The following CASQ1 variants were observed in gnomAD, a reference collection of about 807,000 sequenced individuals.
CASQ1 encodes calsequestrin 1, also known as calsequestrin-1.
In CASQ1, 40 loss-of-function variants were observed where a neutral mutation model predicts 49.5. The observed-to-expected ratio is 0.81, with a 90% CI of 0.63 to 1.05. The LOEUF (loss-of-function observed/expected upper bound fraction) is 1.05, where lower values mean the gene tolerates loss of function less well. CASQ1 is among the 50% of genes least tolerant of loss of function. CASQ1 has a pLI of 0.00. For missense variants in CASQ1, 469 were observed against 486.9 expected (o/e 0.96, Z 0.35); for synonymous variants, 174 against 187.2 (o/e 0.93, Z 0.58).
At chr1:160,200,444 A>G (rs1315455236) in intron 10 of CASQ1, among the ~76,000 whole-genome samples, 2 of 122,260 alleles carry the variant, frequency 1.6e-5, no homozygotes, top group Non-Finnish European at 1.8e-5. Context: ...AAACTTTATA[A>G]TAACGATACA....
At chr1:160,198,404 T>C (rs866215785) in intron 7 of CASQ1, 3 of 293,216 alleles carry the variant, frequency 1.0e-5, no homozygotes, top group Non-Finnish European at 1.9e-5. Flanking sequence ...CTCAGGAGGC[T>C]GAGGCAGGAG....
chr1:160,193,700 G>A (rs778537529), intron 2 of CASQ1, 47 bp from the exon 3 acceptor site: 26 of 1,096,604 alleles, frequency 2.4e-5, no homozygotes, highest in Non-Finnish European at 3.1e-5. Context: ...TGGGAAGCCT[G>A]GGATCATGGC....
At chr1:160,191,734 A>G (rs1396545236) in intron 1 of CASQ1, among the ~76,000 whole-genome samples, 3 of 152,236 alleles carry the variant, frequency 2.0e-5, no homozygotes, top group Admixed American at 6.5e-5. Flanking sequence ...AGAAGTTATC[A>G]TAAGAAAAGA....
Position 160,190,839 on chromosome 1 carries a change from T to A in CASQ1, c.88T>A (p.Ser30Thr), listed in dbSNP as rs749431792. The A allele has an allele frequency of 6.2e-7, 1 of 1,613,956 alleles. No individual in the cohort carries two copies. The highest frequency in any genetic ancestry group is 1.7e-5 in the Admixed American group (1 of 59,992). The change falls in exon 1 of 11, where the codon TCA (serine) becomes ACA (threonine). Residue 30 changes from serine to threonine, a missense_variant. Ser to Thr is a moderately conservative substitution (Grantham distance 58). Transcript: ENST00000368078. ...LLLLVLGTPK[S>T]GVQGQEGLDF... ...GCTGCTGGTGCTAGGGACACCCAAG[T>A]CAGGGGTACAGGGGCAGGAAGGGCT... is the stretch of plus-strand genomic sequence containing the variant.
intron 3 of CASQ1, among the ~76,000 whole-genome samples, chr1:160,194,325 CACACACACT>C: frequency 9.3e-6 from 1 of 107,750 alleles, no homozygotes; most frequent in East Asian, 2.6e-4. Flanking sequence ...CACACATGTA[CACACACACT>C]ACACACATGC....
At position 160,192,902 on chromosome 1, in the gene CASQ1, G is replaced by C; in HGVS notation, c.364+16G>C. On this transcript the variant is annotated intron_variant, in intron 2 of 10. Coordinates refer to ENST00000368078, the MANE Select transcript of CASQ1 (RefSeq NM_001231.5). The stretch of plus-strand genomic sequence containing the variant: ...AAGAAACTAGGTAAGAGAGGGGAGG[G>C]CAGGGGAGGGGAAGGTGGCATTGAG... 3 of 1,593,518 alleles carry C rather than the reference G, an allele frequency of 1.9e-6. No individual in the cohort carries two copies. The highest frequency in any genetic ancestry group is 1.3e-5 in the African/African-American group (1 of 74,582).
In CASQ1 at chr1:160,199,198, G is replaced by T. The variant is rs868011618; in HGVS notation, c.984+145G>T. ...GGGTATGCGTGTTGCATGCTTAAGG[G>T]CACTGTTGGCATGGAGGGCATCCTG... On this transcript the variant is annotated intron_variant, in intron 9 of 10. Transcript: ENST00000368078. 6.3e-6 allele frequency: 4 copies of T among 636,544 alleles called. No individual in the cohort carries two copies. In the Middle Eastern group the frequency reaches 1.4e-3, roughly 215 times the overall value. 39.4% of individuals were successfully genotyped at this position (636,544 alleles called of 1,614,324 possible).
At chr1:160,195,642 C>T (rs1439882607) in intron 5 of CASQ1, 108 bp downstream of exon 5, 13 of 978,472 alleles carry the variant, frequency 1.3e-5, no homozygotes, top group Non-Finnish European at 1.9e-5. Context: ...CGTGCTGGCA[C>T]TCCCTACCTG....
chr1:160,197,240 A>G (rs1051925970), intron 6 of CASQ1, among the ~76,000 whole-genome samples: 1 of 152,236 alleles, frequency 6.6e-6, no homozygotes, highest in Non-Finnish European at 1.5e-5. Flanking sequence ...CCCAGCACCT[A>G]GCATAGTGCT....
At chr1:160,192,622 G>A in intron 1 of CASQ1, 180 bp from the exon 2 acceptor site, 1 of 623,630 alleles carries the variant, frequency 1.6e-6, no homozygotes, top group Non-Finnish European at 2.9e-6. Flanking sequence ...ACTAAGTTGA[G>A]CCAAAAACAG....
Position 160,201,429 on chromosome 1 carries a change from C to T in CASQ1, c.*53C>T. On this transcript the variant is annotated 3_prime_UTR_variant, in exon 11 of 11. Transcript: ENST00000368078. The stretch of plus-strand genomic sequence containing the variant: ...ACTGGTCTTTTCATGCTCTCTCCTG[C>T]CTTCCCTTGTCCTTCCCTGAGTTCC... The T allele has an allele frequency of 1.3e-6, 2 of 1,596,808 alleles. No homozygotes were observed. Among genetic ancestry groups the T allele is most frequent in the Non-Finnish European group, 1.7e-6 (2 of 1,168,074 alleles).
chr1:160,190,597 G>C lies in CASQ1; in HGVS notation c.-155G>C. ...CTTGGCTCTGTCGGCAGTTTCTCCAGGACCCAGCAGTGCCCTCTGTCCACT... is the reference window on the plus strand; with the variant it reads ...CTTGGCTCTGTCGGCAGTTTCTCCACGACCCAGCAGTGCCCTCTGTCCACT... On this transcript the variant is annotated 5_prime_UTR_variant, in exon 1 of 11. Transcript: ENST00000368078. 1 of 675,876 alleles carries C rather than the reference G, an allele frequency of 1.5e-6. No homozygotes were observed. The highest frequency in any genetic ancestry group is 2.5e-6 in the Non-Finnish European group (1 of 407,216). The allele number at this position is 675,876 out of a possible 1,614,324, so 41.9% of individuals were successfully genotyped here.
chr1:160,192,736 T>G, intron 1 of CASQ1, 66 bp from the exon 2 acceptor site: 15 of 1,393,328 alleles, frequency 1.1e-5, no homozygotes, highest in Non-Finnish European at 1.4e-5. Flanking sequence ...CTTGAAAGCA[T>G]GAGAGGGAGA....
chr1:160,200,688 T>C (rs1219360073), intron 10 of CASQ1, among the ~76,000 whole-genome samples: 2 of 152,174 alleles, frequency 1.3e-5, no homozygotes, highest in Non-Finnish European at 2.9e-5. Flanking sequence ...TAGAGATCAC[T>C]GAGAATGGTA....
chr1:160,191,123 C>T, intron 1 of CASQ1, 93 bp downstream of exon 1: 1 of 1,394,092 alleles, frequency 7.2e-7, no homozygotes, highest in African/African-American at 1.4e-5. Context: ...AGGATGGGAT[C>T]TGGGGGTGAG....
Position 160,192,717 on chromosome 1 carries a change from C to A in CASQ1, c.280-85C>A, listed in dbSNP as rs61123952. On this transcript the variant is annotated intron_variant, in intron 1 of 10. Coordinates refer to ENST00000368078, the MANE Select transcript of CASQ1 (RefSeq NM_001231.5). ...AACTCTTATATCTCCCGCACCTCAA[C>A]TGACCCAACTTGAAAGCATGAGAGG... The A allele has an allele frequency of 1.1e-3, 1,303 of 1,192,418 alleles. 11 individuals are homozygous for A. The African/African-American group carries it at 0.017, about 15-fold the overall frequency. 73.9% of individuals were successfully genotyped at this position (1,192,418 alleles called of 1,614,324 possible). A position where few individuals can be genotyped will look rare whatever the true frequency, so the allele number is the denominator to read the frequency against.
At position 160,193,857 on chromosome 1, in the gene CASQ1, C is replaced by A. The variant is rs571757232; in HGVS notation, c.465+10C>A. On this transcript the variant is annotated intron_variant, in intron 3 of 10. Transcript: ENST00000368078. The stretch of plus-strand genomic sequence containing the variant: ...GGAGTTTCTGCTTGATGTAAGGACT[C>A]CCCTGGACCTGACGGCCTTGCTTGA... 1.9e-6 allele frequency: 3 copies of A among 1,594,112 alleles called. No individual in the cohort carries two copies. The highest frequency in any genetic ancestry group is 2.6e-6 in the Non-Finnish European group (3 of 1,162,578).
At chr1:160,201,207 T>A (rs745828689) in intron 10 of CASQ1, 38 bp from the exon 11 acceptor site, 24 of 1,600,994 alleles carry the variant, frequency 1.5e-5, no homozygotes, top group Admixed American at 8.6e-5. Context: ...AGACCCGGGT[T>A]GGACTTAGCT....
At position 160,193,794 on chromosome 1, in the gene CASQ1, A is replaced by G; in HGVS notation, c.412A>G (p.Ile138Val). The G allele has an allele frequency of 1.9e-6, 3 of 1,613,090 alleles. No homozygotes were observed. Among genetic ancestry groups the G allele is most frequent in the Non-Finnish European group, 2.5e-6 (3 of 1,179,358 alleles). Reference protein sequence around the residue: ...SMYVFKGDEVIEYDGEFSADT... With the variant: ...SMYVFKGDEVVEYDGEFSADT... The stretch of plus-strand genomic sequence containing the variant: ...GTATGTATTCAAGGGAGATGAAGTC[A>G]TTGAGTACGATGGCGAGTTTTCTGC... The change falls in exon 3 of 11, where the codon ATT (isoleucine) becomes GTT (valine). Residue 138 changes from isoleucine to valine, a missense_variant. Physicochemically the swap from Ile to Val is conservative, Grantham distance 29. Transcript: ENST00000368078.
Sources: allele counts gnomAD v4.1 joint callset (sites outside exome capture counted in the v4.1 genomes callset), GRCh38; gene constraint gnomAD v4.1.1; transcripts MANE v1.5; gene names NCBI Gene and HGNC (gene_info 2026-07-23, HGNC 2026-07-21).